Variants in ZNF835 observed in about 807,000 individuals in gnomAD.
ZNF835 encodes zinc finger protein 835.
For synonymous variants in ZNF835, 323 were observed against 324.7 expected, an observed-to-expected ratio of 0.99 and a Z score of 0.06; for missense variants, 783 against 758.4, an observed-to-expected ratio of 1.03 and a Z score of -0.38.
At chr19:56,665,515 G>C in intron 1 of ZNF835, 1 of 589,934 alleles carries the variant, frequency 1.7e-6, no homozygotes, top group Non-Finnish European at 3.2e-6. Flanking sequence ...CAGGCCGGAC[G>C]TGGTGGCTCA....
rs778814681 is a variant in ZNF835 at position 56,663,621 on chromosome 19, G to T, written c.1578C>A (p.Cys526Ter). The change falls in exon 2 of 2, where the codon TGC becomes TGA. Residue 526 changes from cysteine (C) to a stop codon, truncating the protein, a stop_gained. Coordinates refer to ENST00000537055, the MANE Select transcript of ZNF835 (RefSeq NM_001005850.3). LOFTEE classifies it low-confidence loss of function (END_TRUNC). ...CTGGTCCACGCGGGTTTCTGCCAGG[G>T]CACCCCTGTTGACAGGTTTCTCCTC... Reference protein sequence around the residue: ...SQGGETCQQGCPGRNPRGPAE... With the variant: ...SQGGETCQQG 1 of 1,614,040 alleles carries T rather than the reference G, an allele frequency of 6.2e-7. No individual in the cohort carries two copies. Among genetic ancestry groups the T allele is most frequent in the South Asian group, 1.1e-5 (1 of 91,086 alleles).
chr19:56,666,729 T>A (rs979066812), intron 1 of ZNF835, among the ~76,000 whole-genome samples: 1 of 152,126 alleles, frequency 6.6e-6, no homozygotes, highest in Non-Finnish European at 1.5e-5. Flanking sequence ...TGGAGGATGA[T>A]TAGGTCATGA....
intron 1 of ZNF835, among the ~76,000 whole-genome samples, chr19:56,665,831 G>T (rs2045240394): frequency 6.6e-6 from 1 of 152,140 alleles, no homozygotes; most frequent in South Asian, 2.1e-4. Flanking sequence ...TCCAGACACT[G>T]CCAGGTGTCC....
rs376074410 is a variant in ZNF835 at position 56,664,798 on chromosome 19, C to G, written c.401G>C (p.Gly134Ala). The G allele has an allele frequency of 6.2e-7, 1 of 1,611,322 alleles. No homozygotes were observed. The highest frequency in any genetic ancestry group is 8.5e-7 in the Non-Finnish European group (1 of 1,177,778). The change falls in exon 2 of 2, where the codon GGG (glycine) becomes GCG (alanine). Residue 134 changes from glycine to alanine, a missense_variant. Transcript: ENST00000537055. Reference sequence around the variant, plus strand: ...CTCGGGGCACGCAAATGGCTTCTCCCCGGTGTGGATTCTCTGGTGTAAGAT... The same window carrying G: ...CTCGGGGCACGCAAATGGCTTCTCCGCGGTGTGGATTCTCTGGTGTAAGAT... ...AFILHQRIHT[G>A]EKPFACPECG...
chr19:56,667,210 C>T (rs1202125196), intron 1 of ZNF835, among the ~76,000 whole-genome samples: 1 of 152,190 alleles, frequency 6.6e-6, no homozygotes, highest in Non-Finnish European at 1.5e-5. Context: ...GGATTTATAC[C>T]AATTGCCTGG....
chr19:56,665,853 G>A (rs62130947), intron 1 of ZNF835, among the ~76,000 whole-genome samples: 39,923 of 151,838 alleles, frequency 0.26, 5,607 homozygotes, highest in East Asian at 0.48. Flanking sequence ...CTCCCCTGGG[G>A]ACAAAATTGC....
In ZNF835 at chr19:56,665,023, C is replaced by T. The variant is rs1418536699; in HGVS notation, c.176G>A (p.Arg59Gln). 8.1e-6 allele frequency: 13 copies of T among 1,613,890 alleles called. No individual in the cohort carries two copies. Among genetic ancestry groups the T allele is most frequent in the Admixed American group, 1.7e-5 (1 of 60,004 alleles). ...DSMQERDEFS[R>Q]IPRTISSPAA... is the part of the protein sequence containing the mutation. ...AGGGCTCGATATGGTTCTTGGGATTCGGCTGAATTCATCGCGTTCCTGCAT... is the reference window on the plus strand; with the variant it reads ...AGGGCTCGATATGGTTCTTGGGATTTGGCTGAATTCATCGCGTTCCTGCAT... Residue 59 changes from arginine (R) to glutamine (Q), a missense_variant, in exon 2 of 2, where the codon CGA (arginine) becomes CAA (glutamine). By Grantham distance (43) the Arg-to-Gln change is conservative. Transcript: ENST00000537055.
chr19:56,670,812 C>T (rs907313844), intron 1 of ZNF835, among the ~76,000 whole-genome samples: 2 of 152,224 alleles, frequency 1.3e-5, no homozygotes, highest in African/African-American at 4.8e-5. Context: ...CTGGCAGGCA[C>T]ACGGGCCGAG....
chr19:56,665,516 T>G, intron 1 of ZNF835: 1 of 583,280 alleles, frequency 1.7e-6, no homozygotes, highest in Non-Finnish European at 3.3e-6. Context: ...AGGCCGGACG[T>G]GGTGGCTCAT....
intron 1 of ZNF835, among the ~76,000 whole-genome samples, chr19:56,667,482 C>G (rs370534683): frequency 6.6e-6 from 1 of 152,224 alleles, no homozygotes; most frequent in Non-Finnish European, 1.5e-5. Flanking sequence ...CTAAACAGGG[C>G]TCCAGCCTCC....
Position 56,664,938 on chromosome 19 carries a change from C to T in ZNF835, c.261G>A (p.Gly87=). ...CAGGATGCCTCTCCTTCGGGCTCTC[C>T]CCAGGCGCGCTGCACCTCCGGGAAC... The part of the protein sequence containing the change: ...DSSSRRCSAP[G]ESPKERHPDS... Residue 87 remains glycine (G), a synonymous_variant, in exon 2 of 2, where the codon GGG becomes GGA. Transcript: ENST00000537055. 1 of 1,613,966 alleles carries T rather than the reference C, an allele frequency of 6.2e-7. No homozygotes were observed. Among genetic ancestry groups the T allele is most frequent in the Non-Finnish European group, 8.5e-7 (1 of 1,179,824 alleles).
In ZNF835 at chr19:56,664,719, G is replaced by A. The variant is rs373112831; in HGVS notation, c.480C>T (p.His160=). The A allele has an allele frequency of 6.2e-6, 10 of 1,611,478 alleles. No individual in the cohort carries two copies. The African/African-American group carries it at 1.3e-4, about 22-fold the overall frequency. The change falls in exon 2 of 2, where the codon CAC becomes CAT. Residue 160 remains histidine, a synonymous_variant. Transcript: ENST00000537055. ...GGCAGGCGTAGGGCTTCTCGCCCGT[G>A]TGCGTGCGCTGGTGCAGGGTCAGGT... The part of the protein sequence containing the change: ...SVHLTLHQRT[H]TGEKPYACHE...
At position 56,664,463 on chromosome 19, in the gene ZNF835, C is replaced by T. The variant is rs763139627; in HGVS notation, c.736G>A (p.Gly246Ser). Residue 246 changes from glycine (G) to serine (S), a missense_variant, in exon 2 of 2, where the codon GGT becomes AGT. Physicochemically the swap from Gly to Ser is moderately conservative, Grantham distance 56. Coordinates refer to ENST00000537055, the MANE Select transcript of ZNF835 (RefSeq NM_001005850.3). Reference sequence around the variant, plus strand: ...GCGGAGCACTCGTAGGGCTTCTCACCGGTGTGGATGCGCTGGTGCTCTATC... The same window carrying T: ...GCGGAGCACTCGTAGGGCTTCTCACTGGTGTGGATGCGCTGGTGCTCTATC... ...SLIEHQRIHT[G>S]EKPYECSACA... The T allele has an allele frequency of 1.9e-6, 3 of 1,612,680 alleles. No individual in the cohort carries two copies. Among genetic ancestry groups the T allele is most frequent in the African/African-American group, 1.3e-5 (1 of 74,656 alleles).
At chr19:56,670,225 CCT>C (rs1388432008) in intron 1 of ZNF835, among the ~76,000 whole-genome samples, 3 of 152,092 alleles carry the variant, frequency 2.0e-5, no homozygotes, top group Non-Finnish European at 1.5e-5. Context: ...TCCTTCTACC[CCT>C]GTCACTCAGG....
Position 56,671,728 on chromosome 19 carries a change from T to G in ZNF835, c.-200A>C, listed in dbSNP as rs1340691935. ...CCTTAGACGAGCTAAGGTCAAGACT[T>G]CTGCTGCTGCGGAGGAGCCCGCGCA... On this transcript the variant is annotated 5_prime_UTR_variant, in exon 1 of 2. Transcript: ENST00000537055. 1 of 152,286 alleles carries G rather than the reference T, an allele frequency of 6.6e-6. No homozygotes were observed. The highest frequency in any genetic ancestry group is 2.4e-5 in the African/African-American group (1 of 41,450). 9.4% of individuals were successfully genotyped at this position (152,286 alleles called of 1,614,324 possible).
Position 56,663,624 on chromosome 19 carries a change from C to T in ZNF835, c.1575G>A (p.Gly525=). The T allele has an allele frequency of 6.2e-7, 1 of 1,614,044 alleles. No individual in the cohort carries two copies. The highest frequency in any genetic ancestry group is 8.5e-7 in the Non-Finnish European group (1 of 1,179,902). ...LSQGGETCQQ[G]CPGRNPRGPA... is the part of the protein sequence containing the mutation. ...GTCCACGCGGGTTTCTGCCAGGGCA[C>T]CCCTGTTGACAGGTTTCTCCTCCCT... Residue 525 remains glycine, a synonymous_variant, in exon 2 of 2, where the codon GGG becomes GGA. Coordinates refer to ENST00000537055, the MANE Select transcript of ZNF835 (RefSeq NM_001005850.3).
chr19:56,666,551 C>A (rs1344891302), intron 1 of ZNF835, among the ~76,000 whole-genome samples: 1 of 152,226 alleles, frequency 6.6e-6, no homozygotes, highest in East Asian at 1.9e-4. Context: ...ATCTCAGACT[C>A]CCAGCCTCTA....
chr19:56,670,698 T>C (rs539981114), intron 1 of ZNF835, among the ~76,000 whole-genome samples: 2 of 152,168 alleles, frequency 1.3e-5, no homozygotes, highest in African/African-American at 2.4e-5. Flanking sequence ...AGCTCCAGCA[T>C]AGCCAAAGCC....
Position 56,663,803 on chromosome 19 carries a change from T to C in ZNF835, c.1396A>G (p.Ile466Val), listed in dbSNP as rs1173494228. The C allele has an allele frequency of 1.9e-6, 3 of 1,612,236 alleles. No homozygotes were observed. The highest frequency in any genetic ancestry group is 2.2e-5 in the East Asian group (1 of 44,716). Residue 466 changes from isoleucine (I) to valine (V), a missense_variant, in exon 2 of 2, where the codon ATC becomes GTC. By Grantham distance (29) the Ile-to-Val change is conservative (BLOSUM62 3). Transcript: ENST00000537055. The stretch of plus-strand genomic sequence containing the variant: ...TAGGGCTTCTCCCCGGTGTGCACGA[T>C]GTGGTGCTGGATCAGGTAGGAGCGG... ...SNRSYLIQHH[I>V]VHTGEKPYEC...
Sources: allele counts gnomAD v4.1 joint callset (sites outside exome capture counted in the v4.1 genomes callset), GRCh38; gene constraint gnomAD v4.1.1; transcripts MANE v1.5; gene names NCBI Gene and HGNC (gene_info 2026-07-23, HGNC 2026-07-21).